The following TOR1AIP1 variants were observed in gnomAD, a reference collection of about 807,000 sequenced individuals.
TOR1AIP1 encodes the protein torsin 1A interacting protein 1.
Under a neutral mutation model 63.3 loss-of-function variants are expected in TOR1AIP1, and 54 were observed. That is an observed-to-expected ratio of 0.85 (90% CI 0.69 to 1.07). The LOEUF (loss-of-function observed/expected upper bound fraction) is 1.07, where lower values mean the gene tolerates loss of function less well. Among genes scored for constraint, TOR1AIP1 ranks in the 50% least tolerant of loss-of-function variants. TOR1AIP1 has a pLI of 0.00. For synonymous variants in TOR1AIP1, 294 were observed against 273.5 expected, an observed-to-expected ratio of 1.07 and a Z score of -0.74; for missense variants, 736 against 715.0, an observed-to-expected ratio of 1.03 and a Z score of -0.33.
chr1:179,902,019 CTTTTTTTTT>C (rs767712125), intron 5 of TOR1AIP1, among the ~76,000 whole-genome samples: 2 of 98,794 alleles, frequency 2.0e-5, no homozygotes, highest in Admixed American at 2.3e-4. Context: ...AATTCCAATT[CTTTTTTTTT>C]TTTTTTTTTT....
chr1:179,899,710 TCTCG>T (rs1393189085), intron 3 of TOR1AIP1, among the ~76,000 whole-genome samples: 16 of 152,340 alleles, frequency 1.1e-4, no homozygotes, highest in Middle Eastern at 3.4e-3. Flanking sequence ...AGTGGCGCGA[TCTCG>T]GCTCACTGCA....
chr1:179,882,856 A>C lies in TOR1AIP1; in HGVS notation c.354A>C (p.Glu118Asp). The change falls in exon 1 of 10, where the codon GAA becomes GAC. Residue 118 changes from glutamate (E) to aspartate (D), a missense_variant. Physicochemically the swap from Glu to Asp is conservative, Grantham distance 45. Around this residue, in one of 2 missense-constraint regions of TOR1AIP1, gnomAD observed 464 missense variants for 371.0 expected, o/e 1.25. Coordinates refer to ENST00000606911, the MANE Select transcript of TOR1AIP1 (RefSeq NM_015602.4). ...AGCGGAGGCAGCCGCGACCCCAGGA[A>C]ACCGAGGAAATGAAGACGCGAAGGA... ...SRQRRQPRPQETEEMKTRRTT... is the reference protein window; with the variant it reads ...SRQRRQPRPQDTEEMKTRRTT... 6.2e-7 allele frequency: 1 copy of C among 1,614,208 alleles called. No individual in the cohort carries two copies. Among genetic ancestry groups the C allele is most frequent in the Non-Finnish European group, 8.5e-7 (1 of 1,180,032 alleles).
At chr1:179,894,000 A>G (rs1284901397) in intron 3 of TOR1AIP1, among the ~76,000 whole-genome samples, 1 of 152,176 alleles carries the variant, frequency 6.6e-6, no homozygotes, top group East Asian at 1.9e-4. Flanking sequence ...ACGGTGGCTC[A>G]CACCTGTAAT....
intron 8 of TOR1AIP1, among the ~76,000 whole-genome samples, chr1:179,909,904 C>T (rs600046): frequency 0.61 from 91,999 of 151,920 alleles, 28,298 homozygotes; most frequent in East Asian, 0.76. Flanking sequence ...CTGGGACTTG[C>T]ATGCATGCGC....
Position 179,882,342 on chromosome 1 carries a change from C to A in TOR1AIP1, c.-161C>A. 1 of 660,166 alleles carries A rather than the reference C, an allele frequency of 1.5e-6. No individual in the cohort carries two copies. The highest frequency in any genetic ancestry group is 2.3e-6 in the Non-Finnish European group (1 of 429,644). 40.9% of individuals were successfully genotyped at this position (660,166 alleles called of 1,614,324 possible). A position where few individuals can be genotyped will look rare whatever the true frequency, so the allele number is the denominator to read the frequency against. On this transcript the variant is annotated 5_prime_UTR_variant, in exon 1 of 10. Coordinates refer to ENST00000606911, the MANE Select transcript of TOR1AIP1 (RefSeq NM_015602.4). Reference sequence around the variant, plus strand: ...TGGGCCCAGAGGCAGGTTTGCTACACAGCAGCGACGACGCAGGCGGCGGCC... The same window carrying A: ...TGGGCCCAGAGGCAGGTTTGCTACAAAGCAGCGACGACGCAGGCGGCGGCC...
intron 3 of TOR1AIP1, 110 bp from the exon 4 acceptor site, chr1:179,900,014 GCT>G (rs1218047742): frequency 3.9e-5 from 28 of 722,350 alleles, no homozygotes; most frequent in Admixed American, 3.5e-4. Context: ...TAAACGAGAT[GCT>G]CTTTTATTTA....
intron 3 of TOR1AIP1, among the ~76,000 whole-genome samples, chr1:179,894,878 C>T (rs1404614702): frequency 1.3e-5 from 2 of 152,168 alleles, no homozygotes; most frequent in Non-Finnish European, 2.9e-5. Flanking sequence ...CTAGGAATAG[C>T]AAAATCTACA....
chr1:179,903,966 A>C lies in TOR1AIP1; in HGVS notation c.740A>C (p.Asp247Ala). ...TAGTGTACTGTTTTTTATTTTTTAG[A>C]TAAAACCACCAGATCATCTAGTCAA... ...ARSRDSDESG[D>A]KTTRSSSQYI... is the part of the protein sequence containing the mutation. Residue 247 changes from aspartate (D) to alanine (A), a missense_variant and splice_region_variant, in exon 6 of 10, where the codon GAT becomes GCT. Asp to Ala is a moderately radical substitution (Grantham distance 126). Around this residue, in one of 2 missense-constraint regions of TOR1AIP1, gnomAD observed 464 missense variants for 371.0 expected, o/e 1.25. Coordinates refer to ENST00000606911, the MANE Select transcript of TOR1AIP1 (RefSeq NM_015602.4). 6.3e-7 allele frequency: 1 copy of C among 1,590,620 alleles called. No individual in the cohort carries two copies. The highest frequency in any genetic ancestry group is 8.6e-7 in the Non-Finnish European group (1 of 1,162,756).
At chr1:179,883,308 G>T (rs944523361) in intron 1 of TOR1AIP1, among the ~76,000 whole-genome samples, 1 of 152,164 alleles carries the variant, frequency 6.6e-6, no homozygotes, top group Non-Finnish European at 1.5e-5. Context: ...ATTACTGCAG[G>T]GTCGGTTTCA....
chr1:179,899,871 C>G (rs1404951997), intron 3 of TOR1AIP1, among the ~76,000 whole-genome samples: 20 of 152,208 alleles, frequency 1.3e-4, no homozygotes, highest in Admixed American at 1.2e-3. Flanking sequence ...TCTCAAACTC[C>G]TGACCTCAAG....
At chr1:179,911,097 CAG>C (rs1012248279) in intron 8 of TOR1AIP1, among the ~76,000 whole-genome samples, 2 of 152,176 alleles carry the variant, frequency 1.3e-5, no homozygotes, top group African/African-American at 4.8e-5. Flanking sequence ...ATTGAGCTTT[CAG>C]AGTTATGTAA....
chr1:179,897,493 CG>C (rs977908039), intron 3 of TOR1AIP1, among the ~76,000 whole-genome samples: 5 of 151,858 alleles, frequency 3.3e-5, no homozygotes, highest in Admixed American at 1.3e-4. Context: ...ACATACCTAT[CG>C]AAAAAAGGGA....
chr1:179,898,255 G>GAT (rs1648344552), intron 3 of TOR1AIP1, among the ~76,000 whole-genome samples: 1 of 152,102 alleles, frequency 6.6e-6, no homozygotes, highest in Non-Finnish European at 1.5e-5. Context: ...CAAGTCACTT[G>GAT]ATATCTATGA....
intron 4 of TOR1AIP1, chr1:179,900,372 G>A: frequency 2.9e-6 from 1 of 346,004 alleles, no homozygotes; most frequent in Non-Finnish European, 5.5e-6. Flanking sequence ...TGCCGATCAG[G>A]TGTCTGCACT....
intron 6 of TOR1AIP1, among the ~76,000 whole-genome samples, chr1:179,906,724 A>G (rs1368256059): frequency 1.5e-5 from 2 of 131,906 alleles, no homozygotes; most frequent in Non-Finnish European, 3.1e-5. Context: ...AAAATTACCA[A>G]TTTTGGTTCC....
In TOR1AIP1 at chr1:179,914,254, C is replaced by T. The variant is rs570837727; in HGVS notation, c.964+200C>T. ...CTTTATGAGACAACATCTGGTATTG[C>T]TCTTCACTTAACTGTCTATAAGACC... is the stretch of plus-strand genomic sequence containing the variant. On this transcript the variant is annotated intron_variant, in intron 9 of 9. Transcript: ENST00000606911. Among the ~76,000 whole-genome samples the T allele has an allele frequency of 5.3e-5, 8 of 152,326 alleles. No homozygotes were observed. In the South Asian group the frequency reaches 1.7e-3, roughly 32 times the overall value.
At position 179,901,296 on chromosome 1, in the gene TOR1AIP1, C is replaced by T. The variant is rs200800578; in HGVS notation, c.653-6C>T. On this transcript the variant is annotated splice_region_variant and splice_polypyrimidine_tract_variant and intron_variant, in intron 4 of 9. Coordinates refer to ENST00000606911, the MANE Select transcript of TOR1AIP1 (RefSeq NM_015602.4). ...CTATATTAGTATATTGTTTACTTCT[C>T]TTTAGGAGAAACTGAAGAAGATGAT... 2.5e-5 allele frequency: 40 copies of T among 1,603,928 alleles called. No individual in the cohort carries two copies. The highest frequency in any genetic ancestry group is 1.7e-4 in the Middle Eastern group (1 of 6,034).
chr1:179,882,536 C>T lies in TOR1AIP1; in HGVS notation c.34C>T (p.Arg12Trp). The change falls in exon 1 of 10, where the codon CGG (arginine) becomes TGG (tryptophan). Residue 12 changes from arginine (R) to tryptophan (W), a missense_variant. Around this residue, in one of 2 missense-constraint regions of TOR1AIP1, gnomAD observed 464 missense variants for 371.0 expected, o/e 1.25. Coordinates refer to ENST00000606911, the MANE Select transcript of TOR1AIP1 (RefSeq NM_015602.4). ...CGACGGGCGGCGGGCAGAGGCGGTG[C>T]GGGAAGGATGGGGTGTGTACGTCAC... The part of the protein sequence containing the change: ...AGDGRRAEAV[R>W]EGWGVYVTPR... The T allele has an allele frequency of 1.4e-6, 2 of 1,473,108 alleles. No homozygotes were observed. Among genetic ancestry groups the T allele is most frequent in the Non-Finnish European group, 9.0e-7 (1 of 1,113,444 alleles). 91.3% of individuals were successfully genotyped at this position (1,473,108 alleles called of 1,614,324 possible).
rs534585368 is a variant in TOR1AIP1 at position 179,918,065 on chromosome 1, G to A, written c.1578G>A (p.Lys526=). The change falls in exon 10 of 10, where the codon AAG becomes AAA. Residue 526 remains lysine (K), a synonymous_variant. Transcript: ENST00000606911. ...EETLGTSLGL[K]EVEEKVRDFL... is the part of the protein sequence containing the mutation. ...CACTTGGAACAAGTCTAGGCCTAAA[G>A]GAAGTTGAAGAAAAAGTAAGAGATT... 3 of 1,614,210 alleles carry A rather than the reference G, an allele frequency of 1.9e-6. No homozygotes were observed. The highest frequency in any genetic ancestry group is 2.5e-6 in the Non-Finnish European group (3 of 1,180,034).
Sources: gnomAD v4.1 joint callset for allele counts (sites outside exome capture counted in the v4.1 genomes callset) on GRCh38, gnomAD v4.1.1 for gene constraint, gnomAD v4.1.1 regional missense constraint, MANE v1.5 for transcripts, NCBI Gene and HGNC (gene_info 2026-07-23, HGNC 2026-07-21) for gene names.